RBFOX1: variants seen among roughly 807,000 people sequenced by gnomAD.
The protein encoded by RBFOX1 is RNA binding protein fox-1 homolog 1.
RBFOX1 carries 8 observed loss-of-function variants against 57.7 expected under a neutral mutation model. The ratio of observed to expected loss-of-function variants is 0.14; its 90% confidence interval spans 0.08 to 0.25. RBFOX1 has a LOEUF of 0.25. Among genes scored for constraint, RBFOX1 ranks in the 10% least tolerant of loss-of-function variants. The probability of loss-of-function intolerance (pLI) is 1.00; values close to 1 mark genes in which losing one functional copy is unlikely to be tolerated. For synonymous variants in RBFOX1, 326 were observed against 222.4 expected (o/e 1.47, Z -4.15); for missense variants, 611 against 548.5 (o/e 1.11, Z -1.14).
At chr16:5,301,255 C>A (rs1363143255) in intron 1 of RBFOX1, among the ~76,000 whole-genome samples, 1 of 152,142 alleles carries the variant, frequency 6.6e-6, no homozygotes, top group Non-Finnish European at 1.5e-5. Flanking sequence ...TGAGGGAAGC[C>A]TGCAGCCAGC....
At chr16:7,289,209 A>G (rs1052815950) in intron 4 of RBFOX1, among the ~76,000 whole-genome samples, 2 of 152,178 alleles carry the variant, frequency 1.3e-5, no homozygotes, top group Admixed American at 6.5e-5. Flanking sequence ...TTAGTCAAAC[A>G]CTAGAGTTGA....
At chr16:7,692,906 T>C (rs2077684576) in intron 14 of RBFOX1, among the ~76,000 whole-genome samples, 1 of 151,910 alleles carries the variant, frequency 6.6e-6, no homozygotes, top group African/African-American at 2.4e-5. Flanking sequence ...TTTGATATTA[T>C]AAGTCTAGAA....
intron 3 of RBFOX1, chr16:5,610,766 G>A (rs2047752872): frequency 6.6e-6 from 1 of 152,152 alleles, no homozygotes; most frequent in Non-Finnish European, 1.5e-5. Flanking sequence ...CACTCCAGAG[G>A]CTGAGGTGGG....
At chr16:6,377,108 A>G (rs8044308) in intron 2 of RBFOX1, among the ~76,000 whole-genome samples, 7,279 of 151,548 alleles carry the variant, frequency 0.048, 593 homozygotes, top group African/African-American at 0.17. Flanking sequence ...TTCCATCCCT[A>G]CAAAAAAAAA....
chr16:7,206,557 C>A (rs984328737), intron 4 of RBFOX1, among the ~76,000 whole-genome samples: 1 of 151,950 alleles, frequency 6.6e-6, no homozygotes, highest in African/African-American at 2.4e-5. Context: ...CAATACCATT[C>A]CCTCTGCCAA....
chr16:5,500,072 G>GCCTGCCTT (rs1403076958), intron 2 of RBFOX1, among the ~76,000 whole-genome samples: 2 of 150,966 alleles, frequency 1.3e-5, no homozygotes, highest in Non-Finnish European at 2.9e-5. Flanking sequence ...CTAATCATCA[G>GCCTGCCTT]CCTGCCTTCC....
intron 2 of RBFOX1, among the ~76,000 whole-genome samples, chr16:6,622,384 C>T (rs576059500): frequency 3.0e-4 from 45 of 152,200 alleles, no homozygotes; most frequent in Non-Finnish European, 5.3e-4. Flanking sequence ...ATACGTAGTA[C>T]TTACCTTTTA....
At chr16:6,550,517 G>A (rs1015154358) in intron 2 of RBFOX1, among the ~76,000 whole-genome samples, 3 of 151,944 alleles carry the variant, frequency 2.0e-5, no homozygotes, top group Non-Finnish European at 4.4e-5. Context: ...GTAGAGACGG[G>A]GTTTCATGAT....
Position 7,697,572 on chromosome 16 carries a change from A to G in RBFOX1, c.996-11484A>G, listed in dbSNP as rs181015172. Reference sequence around the variant, plus strand: ...TATGATAAACTATATATGCATGTATATATGTATCACAGTAGTTCAACGAGG... The same window carrying G: ...TATGATAAACTATATATGCATGTATGTATGTATCACAGTAGTTCAACGAGG... On this transcript the variant is annotated intron_variant, in intron 14 of 15. Transcript: ENST00000550418. 8.9e-4 allele frequency among the ~76,000 whole-genome samples: 136 copies of G among 152,322 alleles called. 2 individuals are homozygous for G. Among genetic ancestry groups the G allele is most frequent in the Non-Finnish European group, 4.4e-5 (3 of 68,030 alleles).
At chr16:7,104,541 G>A (rs556757510) in intron 4 of RBFOX1, among the ~76,000 whole-genome samples, 19 of 152,172 alleles carry the variant, frequency 1.2e-4, no homozygotes, top group South Asian at 2.1e-4. Flanking sequence ...CTAAGATTAC[G>A]CAAATAATTT....
intron 1 of RBFOX1, among the ~76,000 whole-genome samples, chr16:6,190,490 T>C (rs1203737743): frequency 6.6e-6 from 1 of 152,218 alleles, no homozygotes; most frequent in African/African-American, 2.4e-5. Context: ...GTGTTGATTA[T>C]TTCAGAAAAT....
At position 5,989,050 on chromosome 16, in the gene RBFOX1, G is replaced by C. The variant is rs138045986; in HGVS notation, c.351+121715G>C. Among the ~76,000 whole-genome samples the C allele has an allele frequency of 7.7e-3, 1,166 of 152,120 alleles. 27 individuals carry two copies. The highest frequency in any genetic ancestry group is 0.027 in the African/African-American group (1,106 of 41,492). On this transcript the variant is annotated intron_variant, in intron 4 of 19. Coordinates refer to the RBFOX1 transcript ENST00000641259. ...AAAACTTAATTACAAGCCAGGCGCG[G>C]TGGCTCACGCCTGTAATCCCAGCAC...
At chr16:5,805,561 T>C (rs986721500) in intron 3 of RBFOX1, among the ~76,000 whole-genome samples, 1 of 151,940 alleles carries the variant, frequency 6.6e-6, no homozygotes, top group South Asian at 2.1e-4. Flanking sequence ...TTGAGAAGAG[T>C]TGAACAAAGG....
chr16:7,598,943 A>G (rs1228126148), intron 9 of RBFOX1, among the ~76,000 whole-genome samples: 1 of 152,202 alleles, frequency 6.6e-6, no homozygotes, highest in Non-Finnish European at 1.5e-5. Context: ...TTCTTTTGCC[A>G]GTGACTACCA....
intron 4 of RBFOX1, among the ~76,000 whole-genome samples, chr16:7,069,158 CCTAT>C (rs2056797610): frequency 1.4e-5 from 1 of 72,214 alleles, no homozygotes; most frequent in Non-Finnish European, 3.3e-5. Flanking sequence ...CACCTATGAA[CCTAT>C]ATATTTTTTA....
intron 2 of RBFOX1, among the ~76,000 whole-genome samples, chr16:6,644,685 T>C: frequency 6.6e-6 from 1 of 152,250 alleles, no homozygotes; most frequent in African/African-American, 2.4e-5. Flanking sequence ...TCTTCCAGAG[T>C]GAATGACTGC....
At chr16:6,479,194 T>C (rs1425196009) in intron 2 of RBFOX1, among the ~76,000 whole-genome samples, 1 of 152,226 alleles carries the variant, frequency 6.6e-6, no homozygotes, top group African/African-American at 2.4e-5. Context: ...CTGCGTAGTT[T>C]ATAAAGAAAA....
rs1050120588 is a variant in RBFOX1 at position 6,768,497 on chromosome 16, G to C, written c.-16+113847G>C. Among the ~76,000 whole-genome samples the C allele has an allele frequency of 3.3e-5, 5 of 151,874 alleles. No homozygotes were observed. The South Asian group carries it at 1.0e-3, about 32-fold the overall frequency. On this transcript the variant is annotated intron_variant, in intron 3 of 15. Transcript: ENST00000550418. ...CCTTCTAAATGTACTTCCCTTCCCA[G>C]AGAAAACTACTATGAATAGTATCTA...
intron 2 of RBFOX1, among the ~76,000 whole-genome samples, chr16:6,551,816 A>G (rs752485715): frequency 2.6e-5 from 4 of 152,192 alleles, no homozygotes; most frequent in Non-Finnish European, 5.9e-5. Context: ...TATCATGCCA[A>G]TTACATCTCA....
Sources: allele counts gnomAD v4.1 joint callset (sites outside exome capture counted in the v4.1 genomes callset), GRCh38; gene constraint gnomAD v4.1.1; transcripts MANE v1.5; gene names NCBI Gene and HGNC (gene_info 2026-07-23, HGNC 2026-07-21).